PRDM10: variants seen among roughly 807,000 people sequenced by gnomAD.
PRDM10 encodes PR/SET domain 10, also known as PR domain zinc finger protein 10.
In PRDM10, 65 loss-of-function variants were observed where a neutral mutation model predicts 133.1. The observed-to-expected ratio is 0.49, with a 90% CI of 0.40 to 0.60. PRDM10 has a LOEUF of 0.60. Ranked by LOEUF, PRDM10 falls within the 20% of genes least tolerant of loss-of-function variation. The pLI is 0.00. For synonymous variants in PRDM10, 582 were observed against 580.4 expected, an observed-to-expected ratio of 1.00 and a Z score of -0.04; for missense variants, 1,137 against 1,507.1, an observed-to-expected ratio of 0.75 and a Z score of 4.07.
intron 8 of PRDM10, among the ~76,000 whole-genome samples, chr11:129,935,703 A>G (rs1323461982): frequency 2.6e-5 from 4 of 152,248 alleles, no homozygotes; most frequent in Admixed American, 2.6e-4. Context: ...CCACTCCTAC[A>G]TACATACCCA....
chr11:129,905,862 G>T, intron 19 of PRDM10, 121 bp from the exon 20 acceptor site: 2 of 818,890 alleles, frequency 2.4e-6, no homozygotes, highest in African/African-American at 1.7e-5. Context: ...GTCTCACAAT[G>T]ATGTGATTTC....
At chr11:129,944,027 A>G (rs1951306776) in intron 6 of PRDM10, among the ~76,000 whole-genome samples, 1 of 152,106 alleles carries the variant, frequency 6.6e-6, no homozygotes, top group Non-Finnish European at 1.5e-5. Context: ...CATTATAAAT[A>G]AATAAGAAGG....
At chr11:129,958,510 G>T (rs546547561) in intron 2 of PRDM10, among the ~76,000 whole-genome samples, 5 of 152,194 alleles carry the variant, frequency 3.3e-5, no homozygotes, top group African/African-American at 1.2e-4. Context: ...TGGGCATGGT[G>T]GGGGGCGCCT....
chr11:129,968,462 G>A (rs1173750008), intron 1 of PRDM10, among the ~76,000 whole-genome samples: 2 of 152,140 alleles, frequency 1.3e-5, no homozygotes, highest in East Asian at 1.9e-4. Context: ...CCAGTCTGGG[G>A]AGGGGGTTGT....
intron 11 of PRDM10, among the ~76,000 whole-genome samples, chr11:129,929,597 A>AAAAGCCAGATAC (rs1316221191): frequency 6.6e-6 from 1 of 152,232 alleles, no homozygotes; most frequent in Non-Finnish European, 1.5e-5. Flanking sequence ...ACTGACCTCC[A>AAAAGCCAGATAC]AAAGCCAGAT....
intron 1 of PRDM10, among the ~76,000 whole-genome samples, chr11:129,976,945 A>G (rs976083996): frequency 1.3e-5 from 2 of 152,158 alleles, no homozygotes; most frequent in Non-Finnish European, 2.9e-5. Flanking sequence ...CTGAGAAAAG[A>G]TAAAAATGAC....
intron 1 of PRDM10, among the ~76,000 whole-genome samples, chr11:129,994,262 C>T (rs1044989195): frequency 2.6e-5 from 4 of 151,416 alleles, no homozygotes; most frequent in Non-Finnish European, 5.9e-5. Flanking sequence ...GAGTTCGAGA[C>T]CAGCCTGGCC....
chr11:129,949,930 AC>A (rs1237661755), intron 4 of PRDM10, among the ~76,000 whole-genome samples: 1 of 100,834 alleles, frequency 9.9e-6, no homozygotes, highest in East Asian at 3.4e-4. Context: ...GCGAAACTCC[AC>A]CCCCCCACCC....
chr11:129,997,407 G>A (rs1939120023), intron 1 of PRDM10, among the ~76,000 whole-genome samples: 1 of 149,234 alleles, frequency 6.7e-6, no homozygotes, highest in African/African-American at 2.6e-5. Context: ...TTGAGCCTGG[G>A]AGGTCAAGGC....
intron 7 of PRDM10, among the ~76,000 whole-genome samples, chr11:129,941,387 T>C (rs989417740): frequency 6.6e-6 from 1 of 152,230 alleles, no homozygotes; most frequent in Non-Finnish European, 1.5e-5. Flanking sequence ...TCAATAGTTA[T>C]TACCCCAAAA....
At chr11:129,971,562 A>T (rs1308358185) in intron 1 of PRDM10, among the ~76,000 whole-genome samples, 2 of 152,124 alleles carry the variant, frequency 1.3e-5, no homozygotes, top group Non-Finnish European at 2.9e-5. Context: ...AGCTAGATAC[A>T]GAGTGCCCAT....
chr11:129,955,824 A>G (rs1428154309), intron 3 of PRDM10, among the ~76,000 whole-genome samples: 1 of 152,244 alleles, frequency 6.6e-6, no homozygotes, highest in Admixed American at 6.5e-5. Flanking sequence ...TTTTACTCGT[A>G]AGCAAAGCCT....
chr11:129,932,148 A>G lies in PRDM10; in HGVS notation c.1241T>C (p.Leu414Pro), dbSNP rs1366341976. The stretch of plus-strand genomic sequence containing the variant: ...TTCCCCATTTTCGCTGGTGATTTCC[A>G]GGCGGATAAATTTTGGAGGACGCCC... ...RPGRPPKFIR[L>P]EITSENGEKS... The change falls in exon 10 of 21, where the codon CTG becomes CCG. Residue 414 changes from leucine to proline, a missense_variant. Leu to Pro is a moderately conservative substitution (Grantham distance 98). Transcript: ENST00000360871. 1.2e-6 allele frequency: 2 copies of G among 1,613,910 alleles called. No homozygotes were observed. Among genetic ancestry groups the G allele is most frequent in the Non-Finnish European group, 1.7e-6 (2 of 1,179,988 alleles).
chr11:129,972,579 A>G (rs1952055996), intron 1 of PRDM10, among the ~76,000 whole-genome samples: 1 of 152,210 alleles, frequency 6.6e-6, no homozygotes, highest in South Asian at 2.1e-4. Context: ...AAATCACGTC[A>G]AGTTCACAGC....
At chr11:129,960,013 GC>G (rs1273210862) in intron 2 of PRDM10, among the ~76,000 whole-genome samples, 1 of 144,552 alleles carries the variant, frequency 6.9e-6, no homozygotes, top group African/African-American at 2.6e-5. Flanking sequence ...CTCCTGCCTT[GC>G]CCTCCCAAAC....
chr11:129,905,355 C>CT lies in PRDM10; in HGVS notation c.3267+282dup, dbSNP rs573638020. ...TCCAGCCTGGCGACACAGCAAGACT[C>CT]TGTCTCAGAAAAAAAAAAAAAAAAA... On this transcript the variant is annotated intron_variant, in intron 20 of 20. Transcript: ENST00000360871. Among the ~76,000 whole-genome samples the CT allele has an allele frequency of 2.9e-3, 351 of 123,062 alleles. 3 individuals carry two copies. Among genetic ancestry groups the CT allele is most frequent in the African/African-American group, 0.011 (334 of 30,292 alleles). The allele number at this position is 123,062 out of a possible 152,430, so 80.7% of individuals were successfully genotyped here. A position where few individuals can be genotyped will look rare whatever the true frequency, so the allele number is the denominator to read the frequency against.
intron 9 of PRDM10, among the ~76,000 whole-genome samples, chr11:129,934,493 C>T (rs1222991016): frequency 6.6e-6 from 1 of 152,122 alleles, no homozygotes; most frequent in Non-Finnish European, 1.5e-5. Context: ...TTCACTCTTA[C>T]TCTAATATAA....
At chr11:129,930,980 G>A (rs780722165) in intron 11 of PRDM10, 36 bp downstream of exon 11, 40 of 1,562,764 alleles carry the variant, frequency 2.6e-5, no homozygotes, top group Admixed American at 1.1e-4. Flanking sequence ...GAAGATGAGC[G>A]GCTGGTGCCA....
intron 2 of PRDM10, among the ~76,000 whole-genome samples, chr11:129,958,551 G>A (rs941228098): frequency 1.4e-4 from 21 of 152,156 alleles, no homozygotes; most frequent in African/African-American, 4.6e-4. Context: ...GGCTGAGACA[G>A]GAGAATTGCT....
Sources: gnomAD v4.1 joint callset for allele counts (sites outside exome capture counted in the v4.1 genomes callset) on GRCh38, gnomAD v4.1.1 for gene constraint, MANE v1.5 for transcripts, NCBI Gene and HGNC (gene_info 2026-07-23, HGNC 2026-07-21) for gene names.